ERC2: variants seen among roughly 807,000 people sequenced by gnomAD.
ERC2 encodes the protein ELKS/RAB6-interacting/CAST family member 2, also known as ERC protein 2.
Under a neutral mutation model 114.8 loss-of-function variants are expected in ERC2, and 42 were observed. That is an observed-to-expected ratio of 0.37 (90% CI 0.29 to 0.47). The LOEUF is 0.47. Ranked by LOEUF, ERC2 falls within the 20% of genes least tolerant of loss-of-function variation. The pLI is 0.99. For missense variants in ERC2, 939 were observed against 1,150.7 expected (o/e 0.82, Z 2.66); for synonymous variants, 454 against 425.5 (o/e 1.07, Z -0.82).
chr3:55,856,441 G>A (rs748795568), intron 14 of ERC2, among the ~76,000 whole-genome samples: 18 of 152,242 alleles, frequency 1.2e-4, no homozygotes, highest in African/African-American at 3.6e-4. Flanking sequence ...TCTGAGCACC[G>A]GAGATATAGC....
chr3:56,082,648 T>C (rs1042415358), intron 6 of ERC2, among the ~76,000 whole-genome samples: 2 of 152,160 alleles, frequency 1.3e-5, no homozygotes, highest in Non-Finnish European at 2.9e-5. Flanking sequence ...TAACTCTTTG[T>C]CAGTCCCCTT....
chr3:56,449,800 G>C, intron 1 of ERC2, among the ~76,000 whole-genome samples: 1 of 152,234 alleles, frequency 6.6e-6, no homozygotes, highest in East Asian at 1.9e-4. Flanking sequence ...CACAGCTAAT[G>C]ATCAACAGAA....
At chr3:55,975,306 C>T (rs556538756) in intron 12 of ERC2, among the ~76,000 whole-genome samples, 1 of 152,270 alleles carries the variant, frequency 6.6e-6, no homozygotes, top group African/African-American at 2.4e-5. Flanking sequence ...ACATAATTTC[C>T]TATAGTTTCT....
chr3:56,337,763 C>T (rs2057917569), intron 2 of ERC2, among the ~76,000 whole-genome samples: 4 of 152,186 alleles, frequency 2.6e-5, no homozygotes, highest in African/African-American at 7.2e-5. Context: ...ACTCAGCAGG[C>T]GTGCAAGCCA....
chr3:56,351,470 G>A (rs2058549822), intron 2 of ERC2, among the ~76,000 whole-genome samples: 1 of 152,016 alleles, frequency 6.6e-6, no homozygotes, highest in Non-Finnish European at 1.5e-5. Flanking sequence ...CACTGATACA[G>A]GGCAGGGCAT....
chr3:56,088,061 G>T (rs1311222977), intron 6 of ERC2, among the ~76,000 whole-genome samples: 1 of 152,048 alleles, frequency 6.6e-6, no homozygotes, highest in East Asian at 1.9e-4. Flanking sequence ...GTTTTCTTCA[G>T]GAAATGTAAG....
At chr3:56,046,354 G>T (rs922594703) in intron 7 of ERC2, among the ~76,000 whole-genome samples, 2 of 152,186 alleles carry the variant, frequency 1.3e-5, no homozygotes, top group Admixed American at 1.3e-4. Flanking sequence ...AGCTGGGGGT[G>T]AGAAGGGTTG....
At chr3:56,172,034 T>A in intron 4 of ERC2, among the ~76,000 whole-genome samples, 1 of 64,262 alleles carries the variant, frequency 1.6e-5, no homozygotes. Flanking sequence ...TTTTTCCTCT[T>A]TTTTTTTTTT....
At chr3:55,965,218 C>T (rs757907634) in intron 12 of ERC2, among the ~76,000 whole-genome samples, 8 of 152,130 alleles carry the variant, frequency 5.3e-5, no homozygotes, top group Non-Finnish European at 1.2e-4. Flanking sequence ...AGAATCCTGT[C>T]TCTCATATGC....
In ERC2 at chr3:55,699,429, ATGGTGGTGGTGATGG is replaced by A; in HGVS notation, c.2781_2795del (p.His928_His932del). ...AATGTTGCGACCTCCCAGGAGATCG[ATGGTGGTGGTGATGG>A]TGGTGGTGGTGGTAATGGTGATGGT... is the stretch of plus-strand genomic sequence containing the variant. On this transcript the variant is annotated inframe_deletion, in exon 16 of 18. Transcript: ENST00000288221. The A allele has an allele frequency of 6.2e-7, 1 of 1,613,756 alleles. No homozygotes were observed. The highest frequency in any genetic ancestry group is 8.5e-7 in the Non-Finnish European group (1 of 1,179,790).
At chr3:55,821,259 A>C (rs1451814944) in intron 14 of ERC2, among the ~76,000 whole-genome samples, 1 of 152,122 alleles carries the variant, frequency 6.6e-6, no homozygotes, top group Non-Finnish European at 1.5e-5. Flanking sequence ...GCCAAAAGTT[A>C]TTCCCCATGT....
intron 12 of ERC2, among the ~76,000 whole-genome samples, chr3:55,957,761 G>A (rs577059881): frequency 1.2e-4 from 18 of 152,096 alleles, no homozygotes; most frequent in African/African-American, 3.9e-4. Context: ...CGCCTGCTCC[G>A]TGTGAGGCTG....
At chr3:55,864,851 A>T (rs1056479120) in intron 14 of ERC2, among the ~76,000 whole-genome samples, 1 of 152,080 alleles carries the variant, frequency 6.6e-6, no homozygotes, top group Non-Finnish European at 1.5e-5. Flanking sequence ...TGTCATTATA[A>T]CCATCATCAC....
At chr3:55,554,854 C>G (rs67171120) in intron 17 of ERC2, among the ~76,000 whole-genome samples, 26,801 of 152,110 alleles carry the variant, frequency 0.18, 2,812 homozygotes, top group Middle Eastern at 0.27. Flanking sequence ...TCTCTCTTCC[C>G]AGGCCCCAAG....
chr3:56,035,406 C>T (rs1346559008), intron 7 of ERC2, among the ~76,000 whole-genome samples: 1 of 152,128 alleles, frequency 6.6e-6, no homozygotes, highest in Non-Finnish European at 1.5e-5. Flanking sequence ...AGAATTAATG[C>T]CAATCCTTCT....
intron 6 of ERC2, 127 bp from the exon 7 acceptor site, chr3:56,081,111 C>T: frequency 3.3e-6 from 3 of 914,972 alleles, no homozygotes; most frequent in Non-Finnish European, 4.9e-6. Context: ...AACCACTGCT[C>T]ATGGCACCTC....
chr3:55,694,707 C>T lies in ERC2; in HGVS notation c.2847+4671G>A, dbSNP rs117318273. 5.9e-5 allele frequency among the ~76,000 whole-genome samples: 9 copies of T among 152,284 alleles called. No homozygotes were observed. In the East Asian group the frequency reaches 1.7e-3, roughly 29 times the overall value. On this transcript the variant is annotated intron_variant, in intron 16 of 17. Coordinates refer to ENST00000288221, the MANE Select transcript of ERC2 (RefSeq NM_015576.3). Reference sequence around the variant, plus strand: ...AGCCCCAAAATATTTAGGTTCTTTGCCATTTAGGCCCTTCCCAACTAGAAT... The same window carrying T: ...AGCCCCAAAATATTTAGGTTCTTTGTCATTTAGGCCCTTCCCAACTAGAAT...
rs570629075 is a variant in ERC2, at chr3:55,830,875, T to A, written c.2564+57514A>T. On this transcript the variant is annotated intron_variant, in intron 14 of 17. Coordinates refer to ENST00000288221, the MANE Select transcript of ERC2 (RefSeq NM_015576.3). ...AGTAGGATCCCTTGACCCCAGGAAT[T>A]TGAGGCTGCAGTGAGCTAGGATTGC... is the stretch of plus-strand genomic sequence containing the variant. 2.0e-5 allele frequency among the ~76,000 whole-genome samples: 3 copies of A among 152,142 alleles called. No homozygotes were observed. In the South Asian group the frequency reaches 6.2e-4, roughly 32 times the overall value.
intron 3 of ERC2, among the ~76,000 whole-genome samples, chr3:56,229,952 G>A (rs994220514): frequency 2.4e-5 from 3 of 123,252 alleles, no homozygotes; most frequent in African/African-American, 9.2e-5. Flanking sequence ...GCTCACCTCC[G>A]CCTTCTGGGG....
Sources: gnomAD v4.1 joint callset for allele counts (sites outside exome capture counted in the v4.1 genomes callset) on GRCh38, gnomAD v4.1.1 for gene constraint, MANE v1.5 for transcripts, NCBI Gene and HGNC (gene_info 2026-07-23, HGNC 2026-07-21) for gene names.